SLIT3: variants seen among roughly 807,000 people sequenced by gnomAD.
SLIT3 encodes slit guidance ligand 3.
SLIT3 carries 68 observed loss-of-function variants against 184.0 expected under a neutral mutation model. The observed-to-expected ratio is 0.37, with a 90% CI of 0.30 to 0.45. The LOEUF is 0.45. SLIT3 is among the 20% of genes least tolerant of loss of function. The pLI is 1.00. For synonymous variants in SLIT3, 831 were observed against 828.6 expected (o/e 1.00, Z -0.05); for missense variants, 1,707 against 2,026.0 (o/e 0.84, Z 3.02).
intron 4 of SLIT3, among the ~76,000 whole-genome samples, chr5:168,927,729 T>C (rs372590105): frequency 2.6e-5 from 4 of 152,224 alleles, no homozygotes; most frequent in South Asian, 2.1e-4. Context: ...GCCCTTACCA[T>C]GTAGCTTGTC....
At chr5:169,195,329 T>G (rs1763706645) in intron 3 of SLIT3, among the ~76,000 whole-genome samples, 1 of 152,108 alleles carries the variant, frequency 6.6e-6, no homozygotes, top group Non-Finnish European at 1.5e-5. Flanking sequence ...AAGCATGTGA[T>G]AGAGAAGCAT....
At chr5:168,725,387 A>G (rs937617481) in intron 20 of SLIT3, among the ~76,000 whole-genome samples, 3 of 152,240 alleles carry the variant, frequency 2.0e-5, no homozygotes, top group Non-Finnish European at 2.9e-5. Context: ...AAGTGGGGAC[A>G]TGCCACCCTT....
chr5:168,703,549 T>C (rs1251304197), intron 26 of SLIT3, among the ~76,000 whole-genome samples: 1 of 152,090 alleles, frequency 6.6e-6, no homozygotes, highest in African/African-American at 2.4e-5. Context: ...CCTGATGATC[T>C]GAGGTGGTAC....
intron 4 of SLIT3, among the ~76,000 whole-genome samples, chr5:168,957,503 G>T (rs553335540): frequency 8.5e-5 from 13 of 152,314 alleles, no homozygotes; most frequent in African/African-American, 3.1e-4. Flanking sequence ...GCAGATTCTG[G>T]TATAGGAGGT....
intron 28 of SLIT3, among the ~76,000 whole-genome samples, chr5:168,694,489 G>T (rs2113259993): frequency 6.6e-6 from 1 of 152,334 alleles, no homozygotes. Flanking sequence ...AGTGTTGCCT[G>T]TTGCTAATGC....
chr5:168,983,086 G>A (rs891615540), intron 4 of SLIT3, among the ~76,000 whole-genome samples: 1 of 152,156 alleles, frequency 6.6e-6, no homozygotes, highest in Non-Finnish European at 1.5e-5. Flanking sequence ...GGGTCATACT[G>A]CTGACCTGAA....
intron 4 of SLIT3, among the ~76,000 whole-genome samples, chr5:168,925,483 T>A (rs193268164): frequency 6.6e-6 from 1 of 152,278 alleles, no homozygotes; most frequent in East Asian, 1.9e-4. Flanking sequence ...CCCACCTAAC[T>A]CATTTCTCTA....
chr5:168,816,756 C>A (rs1757345595), intron 8 of SLIT3, among the ~76,000 whole-genome samples: 1 of 152,186 alleles, frequency 6.6e-6, no homozygotes. Flanking sequence ...ATGCTAAGTG[C>A]TTTATATGCA....
rs1220786980 is a variant in SLIT3 at position 168,664,385 on chromosome 5, A to T, written c.*2069T>A. The T allele has an allele frequency of 6.6e-6, 1 of 152,158 alleles. No individual in the cohort carries two copies. The highest frequency in any genetic ancestry group is 2.4e-5 in the African/African-American group (1 of 41,412). 9.4% of individuals were successfully genotyped at this position (152,158 alleles called of 1,614,324 possible). On this transcript the variant is annotated 3_prime_UTR_variant, in exon 36 of 36. Transcript: ENST00000519560. ...AAAGCAAGACCTTGTCTCTAATGAC[A>T]ACAAAAAACAAAGCCATCATAAGGC...
intron 20 of SLIT3, among the ~76,000 whole-genome samples, chr5:168,738,534 A>G (rs1763508916): frequency 6.6e-6 from 1 of 152,210 alleles, no homozygotes; most frequent in Non-Finnish European, 1.5e-5. Context: ...ACATTTTTTC[A>G]TGGAACACTG....
At chr5:168,913,335 A>G (rs1429828918) in intron 4 of SLIT3, among the ~76,000 whole-genome samples, 1 of 152,236 alleles carries the variant, frequency 6.6e-6, no homozygotes, top group East Asian at 1.9e-4. Context: ...GAGAAGCATT[A>G]CTAACGCCCT....
chr5:168,805,206 T>C (rs1287653547), intron 9 of SLIT3, among the ~76,000 whole-genome samples: 1 of 151,962 alleles, frequency 6.6e-6, no homozygotes, highest in Admixed American at 6.6e-5. Context: ...GACAGGAAAA[T>C]AGTGGGCTCA....
At chr5:169,202,947 G>T (rs1453322007) in intron 3 of SLIT3, among the ~76,000 whole-genome samples, 1 of 152,078 alleles carries the variant, frequency 6.6e-6, no homozygotes, top group Non-Finnish European at 1.5e-5. Flanking sequence ...CCCCTGCCCT[G>T]GCTACTCCCA....
chr5:168,942,053 A>G (rs1416122000), intron 4 of SLIT3, among the ~76,000 whole-genome samples: 1 of 152,162 alleles, frequency 6.6e-6, no homozygotes, highest in Non-Finnish European at 1.5e-5. Flanking sequence ...GGGCCAGGCT[A>G]GTCTCCAGGG....
At chr5:169,104,616 T>C (rs1033248883) in intron 4 of SLIT3, among the ~76,000 whole-genome samples, 1 of 152,166 alleles carries the variant, frequency 6.6e-6, no homozygotes, top group African/African-American at 2.4e-5. Flanking sequence ...CATTCCACCT[T>C]GGGCCAAGCC....
At chr5:168,997,142 C>T (rs1198060986) in intron 4 of SLIT3, among the ~76,000 whole-genome samples, 2 of 152,088 alleles carry the variant, frequency 1.3e-5, no homozygotes, top group African/African-American at 4.8e-5. Context: ...CATCGCGTGC[C>T]CCTTCTCTAA....
chr5:169,230,933 C>T (rs1764980093), intron 3 of SLIT3, among the ~76,000 whole-genome samples: 1 of 152,136 alleles, frequency 6.6e-6, no homozygotes, highest in East Asian at 1.9e-4. Flanking sequence ...ATCCCTATAT[C>T]CACCACTTAG....
At chr5:168,786,762 T>C (rs1277054171) in intron 11 of SLIT3, among the ~76,000 whole-genome samples, 11 of 152,150 alleles carry the variant, frequency 7.2e-5, no homozygotes, top group Admixed American at 5.2e-4. Context: ...GGCGTCTTTA[T>C]GCCTGGCCCT....
intron 4 of SLIT3, among the ~76,000 whole-genome samples, chr5:168,945,240 A>G (rs1024611976): frequency 7.4e-6 from 1 of 134,300 alleles, no homozygotes; most frequent in African/African-American, 3.0e-5. Flanking sequence ...CGTGATTGGT[A>G]TCCACATTTT....
Sources: allele counts gnomAD v4.1 joint callset (sites outside exome capture counted in the v4.1 genomes callset), GRCh38; gene constraint gnomAD v4.1.1; transcripts MANE v1.5; gene names NCBI Gene and HGNC (gene_info 2026-07-23, HGNC 2026-07-21).